Variants in DRC8 observed in about 807,000 individuals in gnomAD.
The protein encoded by DRC8 is dynein regulatory complex subunit 8.
the DRC8 span, chr1:245,002,114 A>G: frequency 6.3e-7 from 1 of 1,594,484 alleles, no homozygotes; most frequent in African/African-American, 1.3e-5. Context: ...TGTCTCCTTT[A>G]TGCTAGGGCC....
chr1:244,979,470 T>A, the DRC8 span, among the ~76,000 whole-genome samples: 3 of 151,870 alleles, frequency 2.0e-5, no homozygotes, highest in Admixed American at 6.6e-5. Flanking sequence ...CATGCTGGGC[T>A]CATTTTTTTA....
At chr1:245,087,036 C>A in the DRC8 span, 2 of 702,406 alleles carry the variant, frequency 2.8e-6, no homozygotes, top group Non-Finnish European at 2.3e-6. Flanking sequence ...CATCTGCAGG[C>A]TAAAAGAAGT....
the DRC8 span, among the ~76,000 whole-genome samples, chr1:245,114,322 A>G: frequency 6.6e-6 from 1 of 152,132 alleles, no homozygotes; most frequent in South Asian, 2.1e-4. Flanking sequence ...AAAATTAGCC[A>G]GGTGTGGTGG....
the DRC8 span, chr1:245,087,497 T>C: frequency 6.5e-6 from 9 of 1,385,772 alleles, no homozygotes; most frequent in Non-Finnish European, 7.4e-6. Flanking sequence ...CACTTTGTTT[T>C]TAAAGATGAT....
chr1:245,029,021 G>T, the DRC8 span, among the ~76,000 whole-genome samples: 1 of 152,316 alleles, frequency 6.6e-6, no homozygotes, highest in Admixed American at 6.5e-5. Context: ...TGGAATGGAG[G>T]TAGCTCTCCA....
the DRC8 span, among the ~76,000 whole-genome samples, chr1:245,053,595 C>G: frequency 6.6e-6 from 1 of 152,154 alleles, no homozygotes; most frequent in African/African-American, 2.4e-5. Flanking sequence ...TTGAGGAAGC[C>G]GTGGTATTGT....
the DRC8 span, chr1:245,123,311 G>A: frequency 1.1e-4 from 16 of 152,350 alleles, no homozygotes; most frequent in African/African-American, 3.8e-4. The surrounding 1 kb of genome is among the most constrained non-coding windows in gnomAD (Gnocchi z 5.0). Context: ...ACTGCTCTTT[G>A]GACACAGCAT....
At chr1:245,006,944 A>AAAC in the DRC8 span, among the ~76,000 whole-genome samples, 91 of 151,358 alleles carry the variant, frequency 6.0e-4, no homozygotes, top group African/African-American at 1.7e-3. Flanking sequence ...AAAAACAAAC[A>AAAC]AACAACAACA....
chr1:245,046,655 G>A, the DRC8 span, among the ~76,000 whole-genome samples: 2 of 152,176 alleles, frequency 1.3e-5, no homozygotes, highest in Admixed American at 6.5e-5. Context: ...GAGAAGCTCT[G>A]AGTCGTTTTT....
At chr1:245,028,896 C>T in the DRC8 span, among the ~76,000 whole-genome samples, 1 of 152,176 alleles carries the variant, frequency 6.6e-6, no homozygotes, top group Admixed American at 6.5e-5. Flanking sequence ...TTTTCTTATA[C>T]CCTGTTTTTA....
chr1:245,094,285 C>T, the DRC8 span, among the ~76,000 whole-genome samples: 2 of 152,166 alleles, frequency 1.3e-5, no homozygotes, highest in African/African-American at 4.8e-5. Flanking sequence ...TCGGAAAACC[C>T]CCCTGTGCTT....
At chr1:245,063,282 G>A in the DRC8 span, among the ~76,000 whole-genome samples, 1 of 152,102 alleles carries the variant, frequency 6.6e-6, no homozygotes. Flanking sequence ...TAGGGTCCTT[G>A]CCAGAGTGTT....
At chr1:245,124,595 A>G in the DRC8 span, 1 of 151,234 alleles carries the variant, frequency 6.6e-6, no homozygotes, top group Admixed American at 6.6e-5. Context: ...TTGTTCCTAT[A>G]GATACAATTT....
At chr1:245,049,918 A>G in the DRC8 span, among the ~76,000 whole-genome samples, 1 of 152,232 alleles carries the variant, frequency 6.6e-6, no homozygotes, top group African/African-American at 2.4e-5. The surrounding 1 kb of genome is among the most constrained non-coding windows in gnomAD (Gnocchi z 4.5). Flanking sequence ...ACTTTTCCTC[A>G]TCTGTAAAAT....
At chr1:245,047,003 T>G in the DRC8 span, among the ~76,000 whole-genome samples, 1 of 152,220 alleles carries the variant, frequency 6.6e-6, no homozygotes, top group East Asian at 1.9e-4. Context: ...GCTGATGAGC[T>G]GAGCCTGGGG....
chr1:245,076,209 C>T, the DRC8 span, among the ~76,000 whole-genome samples: 1 of 152,188 alleles, frequency 6.6e-6, no homozygotes, highest in Non-Finnish European at 1.5e-5. Flanking sequence ...CATTGCATGT[C>T]ATAGAACCAG....
At chr1:245,090,347 T>C in the DRC8 span, among the ~76,000 whole-genome samples, 2 of 152,226 alleles carry the variant, frequency 1.3e-5, no homozygotes, top group Admixed American at 1.3e-4. Flanking sequence ...TCCTGAGTGA[T>C]AATATGTTTC....
At chr1:245,041,119 G>T in the DRC8 span, among the ~76,000 whole-genome samples, 1 of 152,120 alleles carries the variant, frequency 6.6e-6, no homozygotes, top group Admixed American at 6.5e-5. Flanking sequence ...AGTAATTTTC[G>T]AGATAAGAAC....
chr1:245,064,246 AG>A, the DRC8 span, among the ~76,000 whole-genome samples: 1 of 152,296 alleles, frequency 6.6e-6, no homozygotes, highest in South Asian at 2.1e-4. Flanking sequence ...AATGAAATGA[AG>A]GTCCTCATCA....
Sources: allele counts gnomAD v4.1 joint callset (sites outside exome capture counted in the v4.1 genomes callset), GRCh38; gene constraint gnomAD v4.1.1; non-coding constraint Gnocchi (gnomAD v3.1); transcripts MANE v1.5; gene names NCBI Gene and HGNC (gene_info 2026-07-23, HGNC 2026-07-21).